The following AXDND1 variants were observed in gnomAD, a reference collection of about 807,000 sequenced individuals.
The protein encoded by AXDND1 is axonemal dynein light chain domain-containing protein 1.
AXDND1 carries 110 observed loss-of-function variants against 137.5 expected under a neutral mutation model. That is an observed-to-expected ratio of 0.80 (90% CI 0.69 to 0.94). The LOEUF is 0.94. Among genes scored for constraint, AXDND1 ranks in the 40% least tolerant of loss-of-function variants. The pLI is 0.00. For missense variants in AXDND1, 1,191 were observed against 1,169.8 expected, an observed-to-expected ratio of 1.02 and a Z score of -0.26; for synonymous variants, 414 against 399.7, an observed-to-expected ratio of 1.04 and a Z score of -0.43.
intron 16 of AXDND1, among the ~76,000 whole-genome samples, chr1:179,461,296 A>G (rs1662284998): frequency 6.6e-6 from 1 of 152,194 alleles, no homozygotes; most frequent in Non-Finnish European, 1.5e-5. Flanking sequence ...AGCACCATTT[A>G]TTAAATAGGG....
chr1:179,528,472 A>C, intron 23 of AXDND1, 41 bp downstream of exon 23: 1 of 1,376,686 alleles, frequency 7.3e-7, no homozygotes, highest in Non-Finnish European at 1.0e-6. Context: ...AACACTATTT[A>C]ACATTGCATA....
At chr1:179,539,364 A>G (rs571774430) in intron 25 of AXDND1, among the ~76,000 whole-genome samples, 2 of 152,212 alleles carry the variant, frequency 1.3e-5, no homozygotes, top group East Asian at 3.9e-4. Flanking sequence ...TTCCTTCAGG[A>G]GCTCTTGTAA....
intron 17 of AXDND1, among the ~76,000 whole-genome samples, chr1:179,472,842 T>C (rs1422887580): frequency 6.6e-6 from 1 of 152,198 alleles, no homozygotes; most frequent in African/African-American, 2.4e-5. Flanking sequence ...CTGTTACATA[T>C]CTTTTCCTTT....
chr1:179,440,574 A>G (rs111952070), intron 15 of AXDND1, among the ~76,000 whole-genome samples: 2,680 of 152,322 alleles, frequency 0.018, 62 homozygotes, highest in African/African-American at 0.059. Context: ...TGTGACATAA[A>G]TGGAACAGGC....
chr1:179,461,032 C>G (rs1240775313), intron 16 of AXDND1, among the ~76,000 whole-genome samples: 1 of 152,102 alleles, frequency 6.6e-6, no homozygotes, highest in Non-Finnish European at 1.5e-5. Context: ...GTTTCTTTTG[C>G]TGTGCAGAAG....
chr1:179,528,572 C>A, intron 23 of AXDND1, 141 bp downstream of exon 23: 3 of 410,922 alleles, frequency 7.3e-6, no homozygotes, highest in Middle Eastern at 6.5e-4. Flanking sequence ...TTTCTTCCAA[C>A]ATAATTCCTG....
chr1:179,469,071 A>G (rs1028884745), intron 17 of AXDND1, among the ~76,000 whole-genome samples: 1 of 152,068 alleles, frequency 6.6e-6, no homozygotes, highest in African/African-American at 2.4e-5. Context: ...CTGGGACTAC[A>G]GGCGCCTGCC....
chr1:179,467,215 C>G (rs376263625), intron 16 of AXDND1, among the ~76,000 whole-genome samples: 2 of 152,130 alleles, frequency 1.3e-5, no homozygotes, highest in African/African-American at 4.8e-5. Context: ...TCTGAGGCAA[C>G]CCTGAACCAT....
chr1:179,527,460 G>C (rs980363479), intron 22 of AXDND1, among the ~76,000 whole-genome samples: 4 of 152,110 alleles, frequency 2.6e-5, no homozygotes, highest in Non-Finnish European at 5.9e-5. Context: ...ATTGTACCCA[G>C]CTACTCTTTA....
intron 21 of AXDND1, among the ~76,000 whole-genome samples, chr1:179,521,758 AT>A (rs34139679): frequency 0.036 from 4,440 of 123,512 alleles, 137 homozygotes; most frequent in African/African-American, 0.11. Flanking sequence ...TCATTCTTAC[AT>A]TTTTTTTTTT....
intron 20 of AXDND1, among the ~76,000 whole-genome samples, chr1:179,506,176 T>C (rs1473250066): frequency 6.6e-6 from 1 of 152,106 alleles, no homozygotes; most frequent in African/African-American, 2.4e-5. Flanking sequence ...TTAGGTTGAC[T>C]ATCTCTACTG....
intron 17 of AXDND1, among the ~76,000 whole-genome samples, chr1:179,481,232 T>C (rs1665337874): frequency 6.6e-6 from 1 of 152,116 alleles, no homozygotes; most frequent in East Asian, 1.9e-4. Flanking sequence ...GAACATGCGA[T>C]GTTTGGTTTT....
At chr1:179,497,887 C>T (rs867899099) in intron 20 of AXDND1, among the ~76,000 whole-genome samples, 2 of 151,990 alleles carry the variant, frequency 1.3e-5, no homozygotes, top group Non-Finnish European at 1.5e-5. Context: ...AGAGTGAAGT[C>T]GAGAATACAA....
intron 20 of AXDND1, among the ~76,000 whole-genome samples, chr1:179,503,529 T>A (rs1360893522): frequency 1.3e-5 from 2 of 151,640 alleles, no homozygotes; most frequent in Non-Finnish European, 2.9e-5. Context: ...TTTTTCAGAC[T>A]TTTTTTTAAT....
chr1:179,409,907 T>A (rs1653596960), intron 11 of AXDND1, among the ~76,000 whole-genome samples: 1 of 152,210 alleles, frequency 6.6e-6, no homozygotes, highest in Admixed American at 6.5e-5. Context: ...ACATTATATT[T>A]TTATCTGTCT....
chr1:179,366,249 A>C, intron 1 of AXDND1, 155 bp from the exon 2 acceptor site: 1 of 278,776 alleles, frequency 3.6e-6, no homozygotes, highest in South Asian at 4.1e-5. Flanking sequence ...CGGTCCACTA[A>C]GGCTTCTTAG....
Position 179,430,495 on chromosome 1 carries a change from G to A in AXDND1, c.1376G>A (p.Trp459Ter). 1 of 1,613,882 alleles carries A rather than the reference G, an allele frequency of 6.2e-7. No homozygotes were observed. Among genetic ancestry groups the A allele is most frequent in the Non-Finnish European group, 8.5e-7 (1 of 1,179,886 alleles). The part of the protein sequence containing the change: ...LALLQKLTQK[W>*]RNLVNKLKQE... ...CTGTTGCAGAAGTTGACACAAAAAT[G>A]GAGAAACTTAGTGAATAAACTTAAA... The change falls in exon 14 of 26, where the codon TGG (tryptophan) becomes TAG (stop). Residue 459 changes from tryptophan to a stop codon, truncating the protein, a stop_gained. Coordinates refer to ENST00000367618, the MANE Select transcript of AXDND1 (RefSeq NM_144696.6). LOFTEE classifies it high-confidence loss of function.
In AXDND1 at chr1:179,483,153, A is replaced by G. The variant is rs750496250; in HGVS notation, c.2023A>G (p.Met675Val). The G allele has an allele frequency of 1.7e-5, 28 of 1,607,716 alleles. No homozygotes were observed. In the East Asian group the frequency reaches 5.2e-4, roughly 30 times the overall value. Residue 675 changes from methionine to valine, a missense_variant, in exon 18 of 26, where the codon ATG (methionine) becomes GTG (valine). Physicochemically the swap from Met to Val is conservative, Grantham distance 21 (BLOSUM62 1). Transcript: ENST00000367618. ...VSVLQAYIFN[M>V]IQQWLLKIGN... is the part of the protein sequence containing the mutation. ...GGTACTCCAAGCGTATATATTTAAC[A>G]TGATTCAACAATGGCTTTTGAAGAT...
intron 21 of AXDND1, among the ~76,000 whole-genome samples, chr1:179,510,598 T>A (rs1382399869): frequency 6.6e-6 from 1 of 152,184 alleles, no homozygotes; most frequent in African/African-American, 2.4e-5. Context: ...TATAGTATAC[T>A]TTGAGAAACT....
Sources: allele counts gnomAD v4.1 joint callset (sites outside exome capture counted in the v4.1 genomes callset), GRCh38; gene constraint gnomAD v4.1.1; transcripts MANE v1.5; gene names NCBI Gene and HGNC (gene_info 2026-07-23, HGNC 2026-07-21).